The following CDH7 variants were observed in gnomAD, a reference collection of about 807,000 sequenced individuals.
CDH7 encodes cadherin 7.
Under a neutral mutation model 71.8 loss-of-function variants are expected in CDH7, and 25 were observed. The observed-to-expected ratio is 0.35, with a 90% CI of 0.25 to 0.49. The LOEUF (loss-of-function observed/expected upper bound fraction) is 0.49. Ranked by LOEUF, CDH7 falls within the 20% of genes least tolerant of loss-of-function variation. CDH7 has a pLI of 0.99. For synonymous variants in CDH7, 381 were observed against 363.8 expected, an observed-to-expected ratio of 1.05 and a Z score of -0.54; for missense variants, 862 against 974.6, an observed-to-expected ratio of 0.88 and a Z score of 1.54.
intron 2 of CDH7, among the ~76,000 whole-genome samples, chr18:65,806,967 G>A (rs968256396): frequency 1.3e-5 from 2 of 152,154 alleles, no homozygotes; most frequent in African/African-American, 2.4e-5. Flanking sequence ...AAGACACTGA[G>A]TTTAGACTCC....
At chr18:65,861,305 C>T (rs1418037257) in intron 10 of CDH7, among the ~76,000 whole-genome samples, 1 of 146,372 alleles carries the variant, frequency 6.8e-6, no homozygotes, top group Non-Finnish European at 1.5e-5. Flanking sequence ...GGCATTTCAG[C>T]TTGTGTTCCT....
intron 11 of CDH7, among the ~76,000 whole-genome samples, chr18:65,873,642 T>C (rs939843086): frequency 1.3e-5 from 2 of 152,192 alleles, no homozygotes; most frequent in Non-Finnish European, 2.9e-5. Context: ...TTCCAAGTGC[T>C]CAATAGCCAC....
In CDH7 at chr18:65,884,436, T is replaced by A. The variant is rs2587454; in HGVS notation, c.*3542T>A. 6.6e-6 allele frequency: 1 copy of A among 151,928 alleles called. No individual in the cohort carries two copies. Among genetic ancestry groups the A allele is most frequent in the East Asian group, 1.9e-4 (1 of 5,198 alleles). The allele number at this position is 151,928 out of a possible 1,614,324, so 9.4% of individuals were successfully genotyped here. On this transcript the variant is annotated 3_prime_UTR_variant, in exon 12 of 12. Coordinates refer to ENST00000397968, the MANE Select transcript of CDH7 (RefSeq NM_004361.5). ...GCTGATGACTACAATTGAGGTTAGT[T>A]GTCTACAAGATACATGCAGGAGGTA...
At chr18:65,859,528 A>G (rs1349887823) in intron 9 of CDH7, among the ~76,000 whole-genome samples, 180 bp from the exon 10 acceptor site, 1 of 152,238 alleles carries the variant, frequency 6.6e-6, no homozygotes, top group African/African-American at 2.4e-5. Context: ...AGAAAATGAC[A>G]TGATTTGTTT....
chr18:65,776,260 A>G (rs1376064057), intron 2 of CDH7, among the ~76,000 whole-genome samples: 2 of 152,028 alleles, frequency 1.3e-5, no homozygotes, highest in African/African-American at 4.8e-5. Context: ...AAACACTTCC[A>G]GGATTTGGCT....
chr18:65,840,746 C>T (rs932134589), intron 6 of CDH7, among the ~76,000 whole-genome samples: 1 of 152,136 alleles, frequency 6.6e-6, no homozygotes, highest in East Asian at 1.9e-4. Context: ...TCCATTAAAC[C>T]TCTTTCTTTT....
At chr18:65,875,079 T>G (rs1282131307) in intron 11 of CDH7, among the ~76,000 whole-genome samples, 3 of 152,226 alleles carry the variant, frequency 2.0e-5, no homozygotes, top group Non-Finnish European at 4.4e-5. Flanking sequence ...TTTTGCAATT[T>G]TTTTAGGTCA....
intron 2 of CDH7, chr18:65,803,758 TTG>T (rs1911208840): frequency 6.6e-6 from 1 of 152,028 alleles, no homozygotes; most frequent in Non-Finnish European, 1.5e-5. Context: ...AATTTTAACC[TTG>T]TAAAATTTTA....
Position 65,834,622 on chromosome 18 carries a change from C to T in CDH7, c.982-9190C>T, listed in dbSNP as rs139388920. On this transcript the variant is annotated intron_variant, in intron 6 of 11. Coordinates refer to ENST00000397968, the MANE Select transcript of CDH7 (RefSeq NM_004361.5). ...ATATTTAGATGAATAGAAGAAATTG[C>T]ATATGTTATCAATAGAAGAGAGAAT... is the stretch of plus-strand genomic sequence containing the variant. Among the ~76,000 whole-genome samples the T allele has an allele frequency of 3.0e-3, 461 of 152,222 alleles. 6 individuals carry two copies. Among genetic ancestry groups the T allele is most frequent in the African/African-American group, 5.4e-3 (223 of 41,542 alleles).
chr18:65,782,497 C>T (rs560765709), intron 2 of CDH7, among the ~76,000 whole-genome samples: 2 of 151,994 alleles, frequency 1.3e-5, no homozygotes, highest in African/African-American at 2.4e-5. Context: ...GTGGGGTTTA[C>T]AAGTATATTA....
At chr18:65,864,242 T>G (rs1209028862) in intron 11 of CDH7, 1 of 152,150 alleles carries the variant, frequency 6.6e-6, no homozygotes, top group Admixed American at 6.5e-5. Flanking sequence ...AAACAAATTT[T>G]TATTGGTCTA....
At chr18:65,774,695 T>C (rs1393891452) in intron 2 of CDH7, among the ~76,000 whole-genome samples, 2 of 152,036 alleles carry the variant, frequency 1.3e-5, no homozygotes, top group Admixed American at 6.6e-5. Flanking sequence ...GGTTCCAGGA[T>C]AGTCTAGTCC....
In CDH7 at chr18:65,862,715, A is replaced by G. The variant is rs781404377; in HGVS notation, c.1662A>G (p.Glu554=). 3.1e-6 allele frequency: 5 copies of G among 1,614,176 alleles called. No individual in the cohort carries two copies. In the South Asian group the frequency reaches 4.4e-5, roughly 14 times the overall value. ...LTRRNGFRRQ[E]QSVYYLPIFI... ...GGAGAAACGGCTTCCGGAGACAGGA[A>G]CAATCAGTTTACTATCTGCCAATTT... The change falls in exon 11 of 12, where the codon GAA becomes GAG. Residue 554 remains glutamate, a synonymous_variant. Coordinates refer to ENST00000397968, the MANE Select transcript of CDH7 (RefSeq NM_004361.5).
intron 10 of CDH7, among the ~76,000 whole-genome samples, chr18:65,862,460 A>G (rs1913598520): frequency 6.6e-6 from 1 of 152,210 alleles, no homozygotes; most frequent in African/African-American, 2.4e-5. Context: ...GTTATACTGC[A>G]TAGAATAACA....
At chr18:65,778,235 G>A (rs1160176679) in intron 2 of CDH7, among the ~76,000 whole-genome samples, 1 of 132,228 alleles carries the variant, frequency 7.6e-6, no homozygotes, top group African/African-American at 2.8e-5. Context: ...TCATGCTACT[G>A]CACTCCAGCA....
intron 7 of CDH7, among the ~76,000 whole-genome samples, chr18:65,857,361 T>TA (rs869226814): frequency 6.5e-5 from 7 of 107,258 alleles, no homozygotes; most frequent in African/African-American, 2.8e-4. Context: ...ATAATAATAA[T>TA]AAAATAGCCA....
chr18:65,822,916 AC>A (rs1397426444), intron 5 of CDH7, among the ~76,000 whole-genome samples: 1 of 151,912 alleles, frequency 6.6e-6, no homozygotes, highest in Non-Finnish European at 1.5e-5. Context: ...TTTGTAAAAA[AC>A]GTTTCATCTC....
intron 3 of CDH7, among the ~76,000 whole-genome samples, chr18:65,810,700 T>A (rs1041536323): frequency 1.3e-5 from 2 of 152,138 alleles, no homozygotes; most frequent in Admixed American, 6.5e-5. Flanking sequence ...ATGCTCTTCC[T>A]CCTACCCCCA....
rs577697313 is a variant in CDH7 at position 65,824,522 on chromosome 18, G to A, written c.794-122G>A. 1.7e-5 allele frequency: 9 copies of A among 541,682 alleles called. No homozygotes were observed. In the South Asian group the frequency reaches 3.0e-4, roughly 18 times the overall value. 33.6% of individuals were successfully genotyped at this position (541,682 alleles called of 1,614,324 possible). On this transcript the variant is annotated intron_variant, in intron 5 of 11. Transcript: ENST00000397968. ...TCATCTTTTGTTTTCCATTACCTTA[G>A]CATATATTTTATTAAAAAATAAAAA...
Sources: gnomAD v4.1 joint callset for allele counts (sites outside exome capture counted in the v4.1 genomes callset) on GRCh38, gnomAD v4.1.1 for gene constraint, MANE v1.5 for transcripts, NCBI Gene and HGNC (gene_info 2026-07-23, HGNC 2026-07-21) for gene names.